The following PRDM5 variants were observed in gnomAD, a reference collection of about 807,000 sequenced individuals.
PRDM5 encodes the protein PR/SET domain 5.
PRDM5 carries 56 observed loss-of-function variants against 81.2 expected under a neutral mutation model. The ratio of observed to expected loss-of-function variants is 0.69; its 90% confidence interval spans 0.56 to 0.86. The LOEUF is 0.86. PRDM5 is among the 40% of genes least tolerant of loss of function. The probability of loss-of-function intolerance (pLI) is 0.00; values close to 1 mark genes in which losing one functional copy is unlikely to be tolerated. For synonymous variants in PRDM5, 267 were observed against 256.4 expected, an observed-to-expected ratio of 1.04 and a Z score of -0.39; for missense variants, 697 against 770.1, an observed-to-expected ratio of 0.91 and a Z score of 1.12.
chr4:120,810,171 G>A (rs1753628930), intron 8 of PRDM5, among the ~76,000 whole-genome samples: 1 of 152,080 alleles, frequency 6.6e-6, no homozygotes, highest in Admixed American at 6.6e-5. Context: ...CAGGAAAACG[G>A]TCCCTAGTAC....
chr4:120,831,287 C>A (rs1756679896), intron 3 of PRDM5, among the ~76,000 whole-genome samples: 1 of 152,032 alleles, frequency 6.6e-6, no homozygotes, highest in Non-Finnish European at 1.5e-5. Flanking sequence ...TTAACTGACA[C>A]TCTGCATACC....
At chr4:120,768,453 A>G (rs1256628626) in intron 13 of PRDM5, among the ~76,000 whole-genome samples, 1 of 152,186 alleles carries the variant, frequency 6.6e-6, no homozygotes, top group Non-Finnish European at 1.5e-5. Flanking sequence ...AAATTTAAAG[A>G]TTAAAGAGGT....
intron 8 of PRDM5, among the ~76,000 whole-genome samples, chr4:120,802,294 G>C (rs1367780953): frequency 6.6e-6 from 1 of 152,120 alleles, no homozygotes; most frequent in African/African-American, 2.4e-5. Context: ...CGCTGAATAG[G>C]AACAGCTCCA....
Position 120,710,406 on chromosome 4 carries a change from G to A in PRDM5, c.1631C>T (p.Pro544Leu). ...MHIRTHTREK[P>L]YKCSECSKAF... The stretch of plus-strand genomic sequence containing the variant: ...CTTGCTGCACTCTGAGCACTTGTAC[G>A]GCTTCTCCTGCAGTCAACAAAAAGA... The change falls in exon 15 of 16, where the codon CCG becomes CTG. Residue 544 changes from proline (P) to leucine (L), a missense_variant. Pro to Leu is a moderately conservative substitution (Grantham distance 98). Coordinates refer to ENST00000264808, the MANE Select transcript of PRDM5 (RefSeq NM_018699.4). 1 of 1,613,878 alleles carries A rather than the reference G, an allele frequency of 6.2e-7. No homozygotes were observed. The highest frequency in any genetic ancestry group is 8.5e-7 in the Non-Finnish European group (1 of 1,179,930).
chr4:120,716,320 A>T (rs1248792858), intron 14 of PRDM5, among the ~76,000 whole-genome samples: 1 of 152,182 alleles, frequency 6.6e-6, no homozygotes, highest in African/African-American at 2.4e-5. Context: ...TAAAGGATAA[A>T]ATGTGTAGTG....
chr4:120,806,987 TCAAA>T (rs1215378411), intron 8 of PRDM5, among the ~76,000 whole-genome samples: 2 of 151,886 alleles, frequency 1.3e-5, no homozygotes, highest in Non-Finnish European at 2.9e-5. Context: ...TACAAAGAAT[TCAAA>T]CAAAGTTACA....
At chr4:120,733,793 A>T (rs1419802834) in intron 14 of PRDM5, among the ~76,000 whole-genome samples, 1 of 152,152 alleles carries the variant, frequency 6.6e-6, no homozygotes, top group Non-Finnish European at 1.5e-5. Flanking sequence ...GATGAGGATA[A>T]AATCATACAA....
chr4:120,911,199 T>C (rs1279881284), intron 1 of PRDM5, among the ~76,000 whole-genome samples: 2 of 152,216 alleles, frequency 1.3e-5, no homozygotes, highest in Admixed American at 6.5e-5. Context: ...TCCAACTGAA[T>C]GTTGCTGTAT....
chr4:120,883,253 A>T (rs565258373), intron 2 of PRDM5, among the ~76,000 whole-genome samples: 24 of 152,208 alleles, frequency 1.6e-4, no homozygotes, highest in Non-Finnish European at 2.6e-4. Flanking sequence ...AGATCAATTA[A>T]TCATCTCCAC....
intron 3 of PRDM5, among the ~76,000 whole-genome samples, chr4:120,832,688 G>GA (rs944046697): frequency 6.6e-6 from 1 of 151,948 alleles, no homozygotes; most frequent in Admixed American, 6.6e-5. Flanking sequence ...TCAAATATGA[G>GA]AAAAAAATTG....
rs114780068 is a variant in PRDM5 at position 120,830,355 on chromosome 4, G to A, written c.301-9010C>T. ...CTTTAAAAATCATCACATTTTGGCC[G>A]CCGCTCTCTTTCCCCTCTGCCAGGA... On this transcript the variant is annotated intron_variant, in intron 3 of 15. Coordinates refer to ENST00000264808, the MANE Select transcript of PRDM5 (RefSeq NM_018699.4). 2.6e-3 allele frequency among the ~76,000 whole-genome samples: 392 copies of A among 152,120 alleles called. 1 individual carries two copies. The highest frequency in any genetic ancestry group is 8.5e-3 in the African/African-American group (352 of 41,500).
In PRDM5 at chr4:120,799,741, T is replaced by C; in HGVS notation, c.950A>G (p.His317Arg). Reference sequence around the variant, plus strand: ...ACATTCTTGACAATCAAATATCTCATGAATCTGCAAAAGGTTAAATAGACA... The same window carrying C: ...ACATTCTTGACAATCAAATATCTCACGAATCTGCAAAAGGTTAAATAGACA... ...ASSLQEHRKI[H>R]EIFDCQECMK... Residue 317 changes from histidine to arginine, a missense_variant, in exon 9 of 16, where the codon CAT becomes CGT. Coordinates refer to ENST00000264808, the MANE Select transcript of PRDM5 (RefSeq NM_018699.4). 6.2e-7 allele frequency: 1 copy of C among 1,612,128 alleles called. No homozygotes were observed. Among genetic ancestry groups the C allele is most frequent in the East Asian group, 2.2e-5 (1 of 44,772 alleles).
intron 3 of PRDM5, among the ~76,000 whole-genome samples, chr4:120,850,131 T>C (rs1333651579): frequency 1.3e-5 from 2 of 152,102 alleles, no homozygotes; most frequent in Non-Finnish European, 2.9e-5. Flanking sequence ...CATAATCCCT[T>C]GTCCAAAAAA....
chr4:120,829,997 A>G (rs533757791), intron 3 of PRDM5, among the ~76,000 whole-genome samples: 1 of 152,244 alleles, frequency 6.6e-6, no homozygotes, highest in East Asian at 1.9e-4. Context: ...CTTCTTTACT[A>G]AACTCCTGAA....
chr4:120,695,320 A>G (rs1734401821), intron 15 of PRDM5, 45 bp from the exon 16 acceptor site: 1 of 1,600,408 alleles, frequency 6.2e-7, no homozygotes, highest in Non-Finnish European at 8.5e-7. Flanking sequence ...GAAATAAACA[A>G]AATTTATAAA....
chr4:120,847,608 C>T (rs1758803562), intron 3 of PRDM5, among the ~76,000 whole-genome samples: 2 of 152,144 alleles, frequency 1.3e-5, no homozygotes, highest in South Asian at 4.1e-4. Flanking sequence ...ATTCCTGACC[C>T]TTACAAATTG....
intron 14 of PRDM5, among the ~76,000 whole-genome samples, chr4:120,743,321 A>C (rs1742397659): frequency 6.6e-6 from 1 of 151,962 alleles, no homozygotes; most frequent in Non-Finnish European, 1.5e-5. Context: ...GCCGCTGCAA[A>C]ATCATGCCAA....
chr4:120,816,523 C>T lies in PRDM5; in HGVS notation c.795G>A (p.Lys265=). The part of the protein sequence containing the change: ...TCRGDARFVC[K]ADSCGKRLKS... The stretch of plus-strand genomic sequence containing the variant: ...TCAGCCTCTTTCCACAGCTGTCAGC[C>T]TTGCACACAAACCTGGCATCCCCCC... The change falls in exon 7 of 16, where the codon AAG becomes AAA. Residue 265 remains lysine, a synonymous_variant. Transcript: ENST00000264808. 6.2e-7 allele frequency: 1 copy of T among 1,614,194 alleles called. No individual in the cohort carries two copies. The highest frequency in any genetic ancestry group is 8.5e-7 in the Non-Finnish European group (1 of 1,180,036).
chr4:120,768,581 A>C (rs1746746694), intron 13 of PRDM5, among the ~76,000 whole-genome samples: 1 of 152,200 alleles, frequency 6.6e-6, no homozygotes, highest in African/African-American at 2.4e-5. Context: ...GAGAGCCCCC[A>C]GATCTCTACT....
Sources: allele counts gnomAD v4.1 joint callset (sites outside exome capture counted in the v4.1 genomes callset), GRCh38; gene constraint gnomAD v4.1.1; transcripts MANE v1.5; gene names NCBI Gene and HGNC (gene_info 2026-07-23, HGNC 2026-07-21).